The following CACNA1E variants were observed in gnomAD, a reference collection of about 807,000 sequenced individuals.
CACNA1E encodes voltage-dependent R-type calcium channel subunit alpha-1E.
In CACNA1E, 40 loss-of-function variants were observed where a neutral mutation model predicts 259.2. The ratio of observed to expected loss-of-function variants is 0.15; its 90% CI spans 0.12 to 0.20. The LOEUF is 0.20. Among genes scored for constraint, CACNA1E ranks in the 10% least tolerant of loss-of-function variants. The pLI is 1.00. For synonymous variants in CACNA1E, 1,104 were observed against 1,138.5 expected, an observed-to-expected ratio of 0.97 and a Z score of 0.61; for missense variants, 1,874 against 3,040.1, an observed-to-expected ratio of 0.62 and a Z score of 9.02.
Position 181,737,674 on chromosome 1 carries a change from G to A in CACNA1E, c.3552+20G>A. On this transcript the variant is annotated intron_variant, in intron 23 of 47. Transcript: ENST00000367573. ...AACAAAGTGGGTACACAGGGGCCATGTGCCAGCCTCTGTAGTGCTCTGGTG... is the reference window on the plus strand; with the variant it reads ...AACAAAGTGGGTACACAGGGGCCATATGCCAGCCTCTGTAGTGCTCTGGTG... 1 of 1,611,312 alleles carries A rather than the reference G, an allele frequency of 6.2e-7. No individual in the cohort carries two copies. Among genetic ancestry groups the A allele is most frequent in the Non-Finnish European group, 8.5e-7 (1 of 1,178,338 alleles).
chr1:181,318,776 G>C (rs1050050362), intron 1 of CACNA1E, among the ~76,000 whole-genome samples: 1 of 152,202 alleles, frequency 6.6e-6, no homozygotes, highest in Non-Finnish European at 1.5e-5. Flanking sequence ...ATGGAGTTGC[G>C]GGTCAGAGCG....
chr1:181,748,685 A>C (rs1318944757), intron 25 of CACNA1E, among the ~76,000 whole-genome samples: 1 of 152,210 alleles, frequency 6.6e-6, no homozygotes, highest in African/African-American at 2.4e-5. Context: ...GGGAAAGGGA[A>C]ACCTTTGTGG....
chr1:181,778,852 C>T (rs1255358018), intron 38 of CACNA1E, among the ~76,000 whole-genome samples: 3 of 152,284 alleles, frequency 2.0e-5, no homozygotes, highest in African/African-American at 4.8e-5. Context: ...AAGCTGAACG[C>T]AGAAAAATCT....
intron 2 of CACNA1E, among the ~76,000 whole-genome samples, chr1:181,434,743 G>A (rs1295810792): frequency 2.0e-5 from 3 of 152,196 alleles, no homozygotes; most frequent in African/African-American, 4.8e-5. Flanking sequence ...AGGAGCTACG[G>A]GAGGTGGGCA....
chr1:181,483,171 G>A (rs2102464296), upstream of CACNA1E: 1 of 152,258 alleles, frequency 6.6e-6, no homozygotes, highest in East Asian at 1.9e-4. Flanking sequence ...GACTTGCAGG[G>A]GCTGGCGTTA....
intron 5 of CACNA1E, 26 bp downstream of exon 5, chr1:181,579,250 C>T (rs768321184): frequency 6.3e-7 from 1 of 1,583,748 alleles, no homozygotes; most frequent in Admixed American, 1.8e-5. Context: ...TCTGTCTTCT[C>T]CTTTTCCCTT....
At chr1:181,417,983 T>C (rs1658410788) in intron 2 of CACNA1E, among the ~76,000 whole-genome samples, 1 of 152,106 alleles carries the variant, frequency 6.6e-6, no homozygotes, top group Admixed American at 6.5e-5. Context: ...TTTCTTACAA[T>C]TTTCTCTGGA....
chr1:181,727,118 G>C (rs1278432086), intron 18 of CACNA1E, among the ~76,000 whole-genome samples: 1 of 152,166 alleles, frequency 6.6e-6, no homozygotes, highest in African/African-American at 2.4e-5. Context: ...TGCATCTGGA[G>C]CTCAGAAAAG....
intron 1 of CACNA1E, among the ~76,000 whole-genome samples, chr1:181,379,549 C>T (rs188722262): frequency 1.1e-4 from 16 of 152,168 alleles, no homozygotes; most frequent in Admixed American, 3.3e-4. Flanking sequence ...GGCTGGTAAA[C>T]GTGAGATCAA....
intron 44 of CACNA1E, among the ~76,000 whole-genome samples, chr1:181,791,840 A>G (rs749621535): frequency 6.6e-6 from 1 of 152,068 alleles, no homozygotes; most frequent in Non-Finnish European, 1.5e-5. Context: ...GCTACTGTGT[A>G]CCTCAGAGCC....
intron 1 of CACNA1E, among the ~76,000 whole-genome samples, chr1:181,358,407 A>G (rs1336436618): frequency 1.3e-5 from 2 of 152,220 alleles, no homozygotes; most frequent in Non-Finnish European, 2.9e-5. Context: ...TGAGATTTGT[A>G]TTGATTTCTA....
At chr1:181,515,736 A>G (rs1240909921) in intron 3 of CACNA1E, among the ~76,000 whole-genome samples, 1 of 152,208 alleles carries the variant, frequency 6.6e-6, no homozygotes, top group Admixed American at 6.5e-5. Context: ...TGGGAGGATG[A>G]GAGTCAAGGG....
chr1:181,447,216 A>G (rs1447666172), intron 2 of CACNA1E, among the ~76,000 whole-genome samples: 2 of 152,130 alleles, frequency 1.3e-5, no homozygotes, highest in Non-Finnish European at 2.9e-5. Flanking sequence ...CCCCTATAAA[A>G]ATAGAACTGT....
intron 3 of CACNA1E, among the ~76,000 whole-genome samples, chr1:181,511,872 C>T (rs1333758254): frequency 2.0e-5 from 3 of 152,350 alleles, no homozygotes; most frequent in African/African-American, 4.8e-5. Flanking sequence ...AGCTTACCCC[C>T]GCCTGGGAGG....
At chr1:181,501,457 T>A (rs1189409162) in intron 1 of CACNA1E, among the ~76,000 whole-genome samples, 1 of 152,188 alleles carries the variant, frequency 6.6e-6, no homozygotes, top group Non-Finnish European at 1.5e-5. Flanking sequence ...AGATGGGAGT[T>A]CTTTGGTCTA....
chr1:181,382,778 G>C (rs1211426200), intron 1 of CACNA1E, among the ~76,000 whole-genome samples: 1 of 152,184 alleles, frequency 6.6e-6, no homozygotes, highest in Non-Finnish European at 1.5e-5. Context: ...GGCATGGCTT[G>C]ACCCAACCTT....
At chr1:181,318,187 G>A (rs1437991313) in intron 1 of CACNA1E, 7 of 152,170 alleles carry the variant, frequency 4.6e-5, no homozygotes, top group African/African-American at 1.7e-4. Flanking sequence ...ACTGCCTGCG[G>A]GGCTGCGCTG....
At chr1:181,383,164 CT>C (rs1331613500) in intron 1 of CACNA1E, among the ~76,000 whole-genome samples, 3 of 152,232 alleles carry the variant, frequency 2.0e-5, no homozygotes, top group Admixed American at 6.5e-5. Flanking sequence ...ATTGGTATCT[CT>C]TTTCAGGCAT....
At chr1:181,661,341 G>A (rs569022259) in intron 7 of CACNA1E, among the ~76,000 whole-genome samples, 15 of 152,280 alleles carry the variant, frequency 9.9e-5, no homozygotes, top group Admixed American at 3.3e-4. Flanking sequence ...GAGAAGCAGC[G>A]GGGCTGAAGT....
Sources: allele counts gnomAD v4.1 joint callset (sites outside exome capture counted in the v4.1 genomes callset), GRCh38; gene constraint gnomAD v4.1.1; transcripts MANE v1.5; gene names NCBI Gene and HGNC (gene_info 2026-07-23, HGNC 2026-07-21).